The following STX6 variants were observed in gnomAD, a reference collection of about 807,000 sequenced individuals.
STX6 encodes the protein syntaxin 6.
In STX6, 23 loss-of-function variants were observed where a neutral mutation model predicts 38.0. The ratio of observed to expected loss-of-function variants is 0.60; its 90% CI spans 0.43 to 0.86. STX6 has a LOEUF of 0.86. Ranked by LOEUF, STX6 falls within the 40% of genes least tolerant of loss-of-function variation. The pLI is 0.00. For missense variants in STX6, 274 were observed against 312.9 expected, an observed-to-expected ratio of 0.88 and a Z score of 0.94; for synonymous variants, 123 against 107.5, an observed-to-expected ratio of 1.14 and a Z score of -0.89.
chr1:180,981,889 T>C (rs923808543), intron 7 of STX6, among the ~76,000 whole-genome samples: 1 of 152,284 alleles, frequency 6.6e-6, no homozygotes, highest in Admixed American at 6.5e-5. Flanking sequence ...GCTCAGGACC[T>C]GCCTCAAAAA....
In STX6 at chr1:180,994,597, A is replaced by G. The variant is rs914983773; in HGVS notation, c.301-1172T>C. On this transcript the variant is annotated intron_variant, in intron 3 of 7. Transcript: ENST00000258301. ...AGACAAATACTGCATGTTCTCACTCATAAGTGGATGAGATTTCACTCACGG... is the reference window on the plus strand; with the variant it reads ...AGACAAATACTGCATGTTCTCACTCGTAAGTGGATGAGATTTCACTCACGG... Among the ~76,000 whole-genome samples the G allele has an allele frequency of 6.6e-5, 10 of 152,254 alleles. 2 individuals carry two copies. The highest frequency in any genetic ancestry group is 5.2e-4 in the Admixed American group (8 of 15,282).
intron 5 of STX6, among the ~76,000 whole-genome samples, chr1:180,989,613 C>T (rs932193773): frequency 4.6e-5 from 7 of 151,780 alleles, no homozygotes; most frequent in African/African-American, 1.7e-4. Flanking sequence ...AGAGAACTAA[C>T]TGAGCTTGGT....
At chr1:181,009,775 C>A (rs866171848) in intron 1 of STX6, among the ~76,000 whole-genome samples, 1 of 148,724 alleles carries the variant, frequency 6.7e-6, no homozygotes, top group African/African-American at 2.6e-5. Context: ...AAGTCCCACT[C>A]CTAAGTGAAA....
chr1:181,002,836 T>C (rs1656121864), intron 2 of STX6, 136 bp from the exon 3 acceptor site: 1 of 608,944 alleles, frequency 1.6e-6, no homozygotes, highest in East Asian at 2.9e-5. Flanking sequence ...TGGACACCAA[T>C]CATTCTCAGA....
intron 7 of STX6, among the ~76,000 whole-genome samples, chr1:180,982,041 T>C (rs1253427516): frequency 1.3e-5 from 2 of 152,200 alleles, no homozygotes; most frequent in Non-Finnish European, 2.9e-5. Context: ...AAAATACTTC[T>C]GTGGGTAGGA....
At chr1:181,006,126 G>T (rs529115735) in intron 1 of STX6, among the ~76,000 whole-genome samples, 3 of 152,158 alleles carry the variant, frequency 2.0e-5, no homozygotes, top group Non-Finnish European at 4.4e-5. Context: ...GAAATGGTGC[G>T]ATCTTGGCTC....
Position 180,988,294 on chromosome 1 carries a change from C to T in STX6, c.541G>A (p.Gly181Arg), listed in dbSNP as rs374326247. The T allele has an allele frequency of 1.1e-5, 17 of 1,613,878 alleles. No individual in the cohort carries two copies. Among genetic ancestry groups the T allele is most frequent in the African/African-American group, 8.0e-5 (6 of 74,898 alleles). ...EQLELVSGSIGVLKNMSQRIG... is the reference protein window; with the variant it reads ...EQLELVSGSIRVLKNMSQRIG... ...CGCTGGGACATGTTCTTCAGCACCC[C>T]GATGCTGCCAGAGACCAGCTCCAAC... The change falls in exon 6 of 8, where the codon GGG becomes AGG. Residue 181 changes from glycine (G) to arginine (R), a missense_variant. Coordinates refer to ENST00000258301, the MANE Select transcript of STX6 (RefSeq NM_005819.6).
At chr1:180,993,649 A>G (rs1655818703) in intron 3 of STX6, among the ~76,000 whole-genome samples, 1 of 151,876 alleles carries the variant, frequency 6.6e-6, no homozygotes, top group Non-Finnish European at 1.5e-5. Context: ...AGGAGGAAAG[A>G]GAAAGGAATT....
intron 5 of STX6, 197 bp from the exon 6 acceptor site, chr1:180,988,542 C>T (rs1655656495): frequency 3.9e-6 from 2 of 510,610 alleles, no homozygotes; most frequent in South Asian, 2.1e-5. Flanking sequence ...CTACTGATAT[C>T]TCCTGCTGAT....
chr1:180,975,454 G>A lies in STX6; in HGVS notation c.*1116C>T, dbSNP rs558496665. ...GGATTGGCTCAGTTATTTGACTGCA[G>A]ATGATAAAATCAAGCTGTCATCTTA... On this transcript the variant is annotated 3_prime_UTR_variant, in exon 8 of 8. Transcript: ENST00000258301. The A allele has an allele frequency of 6.5e-6, 1 of 152,680 alleles. No individual in the cohort carries two copies. Among genetic ancestry groups the A allele is most frequent in the East Asian group, 1.9e-4 (1 of 5,184 alleles). 9.5% of individuals were successfully genotyped at this position (152,680 alleles called of 1,614,324 possible).
intron 1 of STX6, among the ~76,000 whole-genome samples, chr1:181,017,349 C>T (rs898080557): frequency 2.6e-5 from 4 of 152,034 alleles, no homozygotes; most frequent in East Asian, 1.9e-4. Flanking sequence ...GCCGAGATCG[C>T]GCCACTGCAC....
At chr1:180,994,792 C>T (rs1377279958) in intron 3 of STX6, among the ~76,000 whole-genome samples, 1 of 151,986 alleles carries the variant, frequency 6.6e-6, no homozygotes, top group East Asian at 1.9e-4. Context: ...AATAATCTAT[C>T]GTATATTTCA....
At chr1:180,976,785 C>G (rs1287756617) in intron 7 of STX6, 139 bp from the exon 8 acceptor site, 1 of 737,508 alleles carries the variant, frequency 1.4e-6, no homozygotes, top group African/African-American at 1.7e-5. Flanking sequence ...TTACACCTGC[C>G]TAGGTGCCTG....
chr1:181,013,821 ATC>A (rs1261230373), intron 1 of STX6, among the ~76,000 whole-genome samples: 2 of 152,178 alleles, frequency 1.3e-5, no homozygotes, highest in African/African-American at 4.8e-5. Flanking sequence ...AAGGCATCAC[ATC>A]TCTCTATCTC....
chr1:181,013,443 C>CA (rs1656466972), intron 1 of STX6, among the ~76,000 whole-genome samples: 1 of 152,136 alleles, frequency 6.6e-6, no homozygotes, highest in Admixed American at 6.6e-5. Flanking sequence ...CTCAGCCTCC[C>CA]AAGTTGCTAG....
chr1:180,979,617 A>G (rs1655345457), intron 7 of STX6, among the ~76,000 whole-genome samples: 1 of 152,256 alleles, frequency 6.6e-6, no homozygotes, highest in Admixed American at 6.5e-5. Context: ...GAAAACCTAG[A>G]TGACCTTGGG....
At chr1:180,982,025 T>C (rs1558086828) in intron 7 of STX6, among the ~76,000 whole-genome samples, 1 of 152,168 alleles carries the variant, frequency 6.6e-6, no homozygotes. Flanking sequence ...AGTATCTACT[T>C]AAAATAAAAT....
Position 181,022,855 on chromosome 1 carries a change from C to A in STX6, c.-182G>T. 1.7e-6 allele frequency: 1 copy of A among 574,278 alleles called. No homozygotes were observed. The highest frequency in any genetic ancestry group is 3.3e-5 in the East Asian group (1 of 30,234). 35.6% of individuals were successfully genotyped at this position (574,278 alleles called of 1,614,324 possible). On this transcript the variant is annotated 5_prime_UTR_variant, in exon 1 of 8. Coordinates refer to ENST00000258301, the MANE Select transcript of STX6 (RefSeq NM_005819.6). The stretch of plus-strand genomic sequence containing the variant: ...GGCCGCTGGTCCAGCACTCGCTCAG[C>A]ACCACTGGCCGAATCCCGGACTCGG...
chr1:181,003,434 C>T (rs944668326), intron 2 of STX6, among the ~76,000 whole-genome samples: 6 of 152,100 alleles, frequency 3.9e-5, no homozygotes, highest in African/African-American at 1.4e-4. Flanking sequence ...TTTAATCTCA[C>T]ATTTTCTCTA....
Sources: allele counts gnomAD v4.1 joint callset (sites outside exome capture counted in the v4.1 genomes callset), GRCh38; gene constraint gnomAD v4.1.1; transcripts MANE v1.5; gene names NCBI Gene and HGNC (gene_info 2026-07-23, HGNC 2026-07-21).